The following FOLH1 variants were observed in gnomAD, a reference collection of about 807,000 sequenced individuals.
FOLH1 encodes glutamate carboxypeptidase 2.
In FOLH1, 54 loss-of-function variants were observed where a neutral mutation model predicts 93.9. The ratio of observed to expected loss-of-function variants is 0.57; its 90% CI spans 0.46 to 0.72. The LOEUF (loss-of-function observed/expected upper bound fraction) is 0.72. Ranked by LOEUF, FOLH1 falls within the 30% of genes least tolerant of loss-of-function variation. FOLH1 has a pLI of 0.00. For missense variants in FOLH1, 571 were observed against 892.5 expected, an observed-to-expected ratio of 0.64 and a Z score of 4.59; for synonymous variants, 249 against 303.6, an observed-to-expected ratio of 0.82 and a Z score of 1.87.
intron 2 of FOLH1, among the ~76,000 whole-genome samples, chr11:49,204,442 C>T (rs1231295945): frequency 6.6e-6 from 1 of 152,192 alleles, no homozygotes. Flanking sequence ...TAACTTGGAT[C>T]TCTTCCACCA....
At position 49,148,682 on chromosome 11, in the gene FOLH1, C is replaced by T; in HGVS notation, c.2020G>A (p.Ala674Thr). The T allele has an allele frequency of 1.2e-6, 2 of 1,606,570 alleles. No individual in the cohort carries two copies. The highest frequency in any genetic ancestry group is 1.7e-6 in the Non-Finnish European group (2 of 1,177,146). The change falls in exon 18 of 19, where the codon GCA becomes ACA. Residue 674 changes from alanine (A) to threonine (T), a missense_variant. Ala to Thr is a moderately conservative substitution (Grantham distance 58). Transcript: ENST00000256999. ...MNDQLMFLER[A>T]FIDPLGLPDR... ...GGTAACCCTAATGGATCAATAAATG[C>T]TCTTTCCAGAAACATGAGTTGATCA...
At chr11:49,164,209 A>T (rs1268390090) in intron 13 of FOLH1, among the ~76,000 whole-genome samples, 1 of 152,186 alleles carries the variant, frequency 6.6e-6, no homozygotes, top group Non-Finnish European at 1.5e-5. Context: ...CCCTATCTGA[A>T]AAAATGTAAT....
intron 2 of FOLH1, among the ~76,000 whole-genome samples, chr11:49,202,517 C>G (rs548583820): frequency 1.3e-5 from 2 of 152,102 alleles, no homozygotes; most frequent in Non-Finnish European, 2.9e-5. Context: ...GATAGGACTA[C>G]AGACACATGC....
At chr11:49,160,829 G>T (rs1408957681) in intron 13 of FOLH1, among the ~76,000 whole-genome samples, 1 of 152,074 alleles carries the variant, frequency 6.6e-6, no homozygotes, top group African/African-American at 2.4e-5. Context: ...ATTCTGGTGT[G>T]TCATATCTTT....
chr11:49,198,620 C>A (rs1467140455), intron 3 of FOLH1, among the ~76,000 whole-genome samples: 1 of 151,866 alleles, frequency 6.6e-6, no homozygotes, highest in Non-Finnish European at 1.5e-5. Flanking sequence ...TATTTTATTT[C>A]TTTAAATAAA....
chr11:49,181,861 T>A (rs1036739272), intron 7 of FOLH1, among the ~76,000 whole-genome samples: 1 of 152,122 alleles, frequency 6.6e-6, no homozygotes, highest in Non-Finnish European at 1.5e-5. Context: ...GACGTCAGCC[T>A]CCTCACCTCT....
chr11:49,180,771 G>A (rs1430884042), intron 7 of FOLH1, among the ~76,000 whole-genome samples: 5 of 152,132 alleles, frequency 3.3e-5, no homozygotes, highest in Non-Finnish European at 5.9e-5. Context: ...TATATGGACT[G>A]TTTCATTATG....
intron 9 of FOLH1, among the ~76,000 whole-genome samples, chr11:49,174,031 A>G (rs574818297): frequency 6.6e-6 from 1 of 152,176 alleles, no homozygotes; most frequent in Non-Finnish European, 1.5e-5. Flanking sequence ...GTGATAAAGC[A>G]TTGATCACCC....
Position 49,146,232 on chromosome 11 carries a change from T to G in FOLH1, c.*524A>C, listed in dbSNP as rs1237311709. ...ATATTTTATACTATAGCCTTTTATATAAATAAAAAATAATTATTTCTTATG... is the reference window on the plus strand; with the variant it reads ...ATATTTTATACTATAGCCTTTTATAGAAATAAAAAATAATTATTTCTTATG... On this transcript the variant is annotated 3_prime_UTR_variant, in exon 19 of 19. Coordinates refer to ENST00000256999, the MANE Select transcript of FOLH1 (RefSeq NM_004476.3). 6.6e-6 allele frequency among the ~76,000 whole-genome samples: 1 copy of G among 152,216 alleles called. No individual in the cohort carries two copies. Among genetic ancestry groups the G allele is most frequent in the South Asian group, 2.1e-4 (1 of 4,838 alleles).
intron 6 of FOLH1, among the ~76,000 whole-genome samples, chr11:49,183,455 G>A (rs1361334720): frequency 6.6e-6 from 1 of 152,020 alleles, no homozygotes; most frequent in Non-Finnish European, 1.5e-5. Flanking sequence ...ATCACTTAAG[G>A]TAACTCTTTT....
At chr11:49,189,878 G>C (rs1482230930) in intron 4 of FOLH1, among the ~76,000 whole-genome samples, 4 of 152,168 alleles carry the variant, frequency 2.6e-5, no homozygotes, top group Non-Finnish European at 5.9e-5. Flanking sequence ...GCTTAAGTGG[G>C]TGTAATATTA....
At chr11:49,171,698 A>G (rs1859319483) in intron 10 of FOLH1, among the ~76,000 whole-genome samples, 2 of 152,124 alleles carry the variant, frequency 1.3e-5, no homozygotes, top group East Asian at 1.9e-4. Flanking sequence ...CAATTGTTCA[A>G]TATCAGCTGG....
At chr11:49,164,918 T>G (rs532365277) in intron 12 of FOLH1, 146 bp from the exon 13 acceptor site, 385 of 678,702 alleles carry the variant, frequency 5.7e-4, no homozygotes, top group African/African-American at 4.9e-3. Context: ...CAACTAACTC[T>G]GTAAAGTCCA....
intron 15 of FOLH1, among the ~76,000 whole-genome samples, chr11:49,155,832 ATAT>A: frequency 7.7e-6 from 1 of 129,902 alleles, no homozygotes; most frequent in African/African-American, 2.9e-5. Flanking sequence ...ATATATATAT[ATAT>A]AATCAACAAC....
intron 3 of FOLH1, among the ~76,000 whole-genome samples, chr11:49,198,740 A>G (rs577080527): frequency 7.2e-5 from 11 of 151,926 alleles, no homozygotes; most frequent in African/African-American, 2.4e-4. Flanking sequence ...TTGCCTTTTC[A>G]ATATAATATA....
At chr11:49,208,177 G>T (rs1864185306) in intron 1 of FOLH1, 115 bp downstream of exon 1, 2 of 768,102 alleles carry the variant, frequency 2.6e-6, no homozygotes, top group Non-Finnish European at 4.2e-6. Context: ...GACCCTAATC[G>T]CCGCCCCTGG....
chr11:49,204,129 A>T (rs1214304171), intron 2 of FOLH1, among the ~76,000 whole-genome samples: 1 of 152,158 alleles, frequency 6.6e-6, no homozygotes, highest in Non-Finnish European at 1.5e-5. Flanking sequence ...AAGGGTTAGG[A>T]GGGCTGGGCA....
intron 5 of FOLH1, 75 bp from the exon 6 acceptor site, chr11:49,185,930 T>C: frequency 6.8e-7 from 1 of 1,467,104 alleles, no homozygotes. Context: ...TTTTCAATAT[T>C]ACACTTAAAT....
intron 17 of FOLH1, among the ~76,000 whole-genome samples, chr11:49,151,431 C>G (rs533576984): frequency 5.3e-5 from 5 of 93,846 alleles, no homozygotes; most frequent in African/African-American, 1.4e-4. Context: ...CACACACAGA[C>G]ACACACACAC....
Sources: gnomAD v4.1 joint callset for allele counts (sites outside exome capture counted in the v4.1 genomes callset) on GRCh38, gnomAD v4.1.1 for gene constraint, MANE v1.5 for transcripts, NCBI Gene and HGNC (gene_info 2026-07-23, HGNC 2026-07-21) for gene names.